Variants in DAB2IP observed in about 807,000 individuals in gnomAD.
DAB2IP encodes disabled homolog 2-interacting protein.
A neutral mutation model predicts 107.2 loss-of-function variants in DAB2IP; 28 were observed. That is an observed-to-expected ratio of 0.26 (90% CI 0.19 to 0.36). The LOEUF is 0.36. Among genes scored for constraint, DAB2IP ranks in the 10% least tolerant of loss-of-function variants. The probability of loss-of-function intolerance (pLI) is 1.00; values close to 1 mark genes in which losing one functional copy is unlikely to be tolerated. For synonymous variants in DAB2IP, 755 were observed against 706.4 expected (o/e 1.07, Z -1.09); for missense variants, 1,400 against 1,644.7 (o/e 0.85, Z 2.57).
chr9:121,783,150 C>G (rs1835781629), exon 16 of DAB2IP: 1 of 869,458 alleles, frequency 1.2e-6, no homozygotes, highest in Non-Finnish European at 1.4e-6. Context: ...CTGAACCTGT[C>G]CCCAGAGCAC....
upstream of DAB2IP, chr9:121,651,540 C>T (rs898266517): frequency 6.0e-6 from 3 of 498,132 alleles, no homozygotes; most frequent in African/African-American, 2.1e-5. This position sits in a 1 kb window ranked among gnomAD's most constrained non-coding sequence, Gnocchi z 5.1. Context: ...CTTTCCGGGC[C>T]GGTGCCAGCC....
intron 6 of DAB2IP, among the ~76,000 whole-genome samples, chr9:121,761,425 G>A (rs1354398831): frequency 6.6e-6 from 1 of 152,210 alleles, no homozygotes; most frequent in East Asian, 1.9e-4. Context: ...AAGGTCCTAG[G>A]CCCTTAGCTC....
intron 3 of DAB2IP, among the ~76,000 whole-genome samples, chr9:121,706,529 C>G (rs1451118467): frequency 1.3e-5 from 2 of 152,200 alleles, no homozygotes; most frequent in Admixed American, 6.5e-5. Context: ...CTTCCTTGGG[C>G]TCTTGGTCAG....
At chr9:121,618,410 G>T (rs975835710) in intron 1 of DAB2IP, among the ~76,000 whole-genome samples, 2 of 151,716 alleles carry the variant, frequency 1.3e-5, no homozygotes, top group African/African-American at 4.8e-5. Flanking sequence ...GTCCAGGCTG[G>T]AGTGCAGTGG....
chr9:121,582,972 T>G (rs1017546346), intron 1 of DAB2IP, among the ~76,000 whole-genome samples: 6 of 152,246 alleles, frequency 3.9e-5, no homozygotes, highest in South Asian at 4.1e-4. Context: ...CTCATTCCCC[T>G]GTAGCCTTAG....
intron 3 of DAB2IP, among the ~76,000 whole-genome samples, chr9:121,734,870 C>T (rs1433711255): frequency 6.6e-6 from 1 of 152,226 alleles, no homozygotes; most frequent in Non-Finnish European, 1.5e-5. Flanking sequence ...GTCACAGTAT[C>T]TGCCTTGCCT....
intron 1 of DAB2IP, among the ~76,000 whole-genome samples, chr9:121,663,224 A>G (rs1188820364): frequency 6.6e-6 from 1 of 152,188 alleles, no homozygotes; most frequent in African/African-American, 2.4e-5. Context: ...ACAGATGCTG[A>G]AAACCTTGTA....
At chr9:121,755,036 A>G (rs1338294347) in intron 3 of DAB2IP, among the ~76,000 whole-genome samples, 2 of 152,170 alleles carry the variant, frequency 1.3e-5, no homozygotes, top group African/African-American at 4.8e-5. Context: ...CCACTGAGGT[A>G]TGAAGCCCCA....
intron 13 of DAB2IP, among the ~76,000 whole-genome samples, chr9:121,774,812 A>C (rs954888234): frequency 6.6e-6 from 1 of 152,086 alleles, no homozygotes; most frequent in South Asian, 2.1e-4. Flanking sequence ...GAGGAGGCAG[A>C]GGCATGGGTC....
At chr9:121,567,534 C>A (rs1053433954) in intron 1 of DAB2IP, among the ~76,000 whole-genome samples, 2 of 152,242 alleles carry the variant, frequency 1.3e-5, no homozygotes, top group Non-Finnish European at 2.9e-5. Context: ...TTGCAGCCCC[C>A]CTGCCTGTCT....
intron 1 of DAB2IP, among the ~76,000 whole-genome samples, chr9:121,623,560 G>T (rs1034927996): frequency 1.6e-4 from 24 of 152,050 alleles, no homozygotes; most frequent in Admixed American, 1.3e-3. Flanking sequence ...AGAGATGGGG[G>T]TCTGGCTATG....
At chr9:121,621,961 G>GTGTTTCTT (rs1249204080) in intron 1 of DAB2IP, among the ~76,000 whole-genome samples, 1 of 139,842 alleles carries the variant, frequency 7.2e-6, no homozygotes, top group African/African-American at 2.6e-5. Context: ...GACCCTGTTT[G>GTGTTTCTT]TGTTTCTTTT....
intron 1 of DAB2IP, among the ~76,000 whole-genome samples, chr9:121,611,123 C>T (rs1333431336): frequency 6.6e-6 from 1 of 152,090 alleles, no homozygotes; most frequent in Non-Finnish European, 1.5e-5. Context: ...TTACAGGTGC[C>T]TGCCACCACG....
At chr9:121,679,149 A>G (rs1240469976) in intron 2 of DAB2IP, among the ~76,000 whole-genome samples, 1 of 152,040 alleles carries the variant, frequency 6.6e-6, no homozygotes, top group Non-Finnish European at 1.5e-5. Flanking sequence ...AAGATGCACT[A>G]TTTTTGTTTC....
At position 121,651,623 on chromosome 9, in the gene DAB2IP, GGA is replaced by G; in HGVS notation, c.-151_-150del. The G allele has an allele frequency of 9.6e-7, 1 of 1,046,572 alleles. No individual in the cohort carries two copies. The highest frequency in any genetic ancestry group is 1.2e-6 in the Non-Finnish European group (1 of 868,160). 64.8% of individuals were successfully genotyped at this position (1,046,572 alleles called of 1,614,324 possible). A position where few individuals can be genotyped will look rare whatever the true frequency, so the allele number is the denominator to read the frequency against. On this transcript the variant is annotated 5_prime_UTR_variant, in exon 1 of 16. Transcript: ENST00000408936. This position sits in a 1 kb window ranked among gnomAD's most constrained non-coding sequence, Gnocchi z 5.1. ...GCGGGAGGGGGCAGGAGGCGGAGGA[GGA>G]GTTTGAGCGACTTTGTGGGGCAGCC...
rs7872706 is a variant in DAB2IP, at chr9:121,612,412, A to C, written c.40+45184A>C. 5.4e-3 allele frequency among the ~76,000 whole-genome samples: 829 copies of C among 152,294 alleles called. 7 individuals carry two copies. Among genetic ancestry groups the C allele is most frequent in the African/African-American group, 0.019 (804 of 41,556 alleles). ...AATTGGCCAAAAAAGGTGTCTGAAC[A>C]TGGGTTTTTAAGGGAGCTGCTTTGA... On this transcript the variant is annotated intron_variant, in intron 1 of 16. Transcript: ENST00000259371.
At position 121,760,109 on chromosome 9, in the gene DAB2IP, CAAG is replaced by C. The variant is rs756722949; in HGVS notation, c.853_855del (p.Lys285del). ...CTGTCCACCTGTACCGGGAGACCGA[CAAG>C]AAGAAGAAGAAGGAGCGCAACAGTT... On this transcript the variant is annotated inframe_deletion, in exon 6 of 16. Coordinates refer to ENST00000408936, the Ensembl canonical transcript of DAB2IP. This position sits in a 1 kb window ranked among gnomAD's most constrained non-coding sequence, Gnocchi z 5.9. 27 of 1,613,798 alleles carry C rather than the reference CAAG, an allele frequency of 1.7e-5. No homozygotes were observed. The highest frequency in any genetic ancestry group is 3.3e-5 in the Admixed American group (2 of 60,016).
intron 8 of DAB2IP, 54 bp downstream of exon 8, chr9:121,763,933 C>T (rs1345471261): frequency 3.1e-6 from 5 of 1,595,706 alleles, no homozygotes; most frequent in Non-Finnish European, 4.3e-6. Context: ...TCCTGTCCTT[C>T]AGTGTCTGGC....
intron 3 of DAB2IP, among the ~76,000 whole-genome samples, chr9:121,710,962 C>A (rs908262169): frequency 6.6e-6 from 1 of 152,180 alleles, no homozygotes; most frequent in African/African-American, 2.4e-5. Flanking sequence ...ATCCAGCCTG[C>A]CTGAGGTGGT....
Sources: gnomAD v4.1 joint callset for allele counts (sites outside exome capture counted in the v4.1 genomes callset) on GRCh38, gnomAD v4.1.1 for gene constraint, Gnocchi (gnomAD v3.1) non-coding constraint, MANE v1.5 for transcripts, NCBI Gene and HGNC (gene_info 2026-07-23, HGNC 2026-07-21) for gene names.